MKX: variants seen among roughly 807,000 people sequenced by gnomAD.
The protein encoded by MKX is homeobox protein Mohawk.
MKX carries 13 observed loss-of-function variants against 36.0 expected under a neutral mutation model. The ratio of observed to expected loss-of-function variants is 0.36; its 90% confidence interval spans 0.24 to 0.57. The LOEUF (loss-of-function observed/expected upper bound fraction) is 0.57. Ranked by LOEUF, MKX falls within the 20% of genes least tolerant of loss-of-function variation. MKX has a pLI of 0.79. For synonymous variants in MKX, 176 were observed against 178.3 expected (o/e 0.99, Z 0.10); for missense variants, 458 against 456.4 (o/e 1.00, Z -0.03).
rs759761508 is a variant in MKX, at chr10:27,741,499, C to A, written c.194G>T (p.Arg65Leu). 2.5e-6 allele frequency: 4 copies of A among 1,590,276 alleles called. No individual in the cohort carries two copies. In the African/African-American group the frequency reaches 4.1e-5, roughly 16 times the overall value. Reference protein sequence around the residue: ...LGLRHRRTGARQNGGKVRHKR... With the variant: ...LGLRHRRTGALQNGGKVRHKR... ...GTGCCTCACCTTCCCGCCATTCTGC[C>A]GGGCGCTGGGACATGGGGAGAGGAG... The change falls in exon 3 of 7, where the codon CGG becomes CTG. Residue 65 changes from arginine to leucine, a missense_variant. By Grantham distance (102) the Arg-to-Leu change is moderately radical (BLOSUM62 -2). Transcript: ENST00000419761. The surrounding 1 kb of genome is among the most constrained non-coding windows in gnomAD (Gnocchi z 5.1).
intron 5 of MKX, among the ~76,000 whole-genome samples, chr10:27,727,587 G>C (rs568676190): frequency 3.3e-5 from 5 of 152,340 alleles, no homozygotes; most frequent in African/African-American, 1.2e-4. Flanking sequence ...ATTCCGAATA[G>C]TGCTTAAGTT....
chr10:27,691,985 G>A (rs1836462599), intron 5 of MKX, among the ~76,000 whole-genome samples: 2 of 152,190 alleles, frequency 1.3e-5, no homozygotes, highest in South Asian at 2.1e-4. Flanking sequence ...TAATGTGTTT[G>A]GTATTGTGAA....
chr10:27,687,296 G>A (rs1180925911), intron 5 of MKX, among the ~76,000 whole-genome samples: 2 of 152,164 alleles, frequency 1.3e-5, no homozygotes, highest in East Asian at 1.9e-4. Context: ...GAGCCATTGC[G>A]CCCAGCCCAC....
intron 5 of MKX, among the ~76,000 whole-genome samples, chr10:27,686,412 AG>A (rs1194581442): frequency 1.4e-5 from 2 of 144,978 alleles, no homozygotes; most frequent in Non-Finnish European, 3.0e-5. Context: ...GAAGGAAGGA[AG>A]GAAGGAAGGA....
At chr10:27,713,199 T>C (rs1171991713) in intron 5 of MKX, among the ~76,000 whole-genome samples, 2 of 152,200 alleles carry the variant, frequency 1.3e-5, no homozygotes, top group African/African-American at 4.8e-5. Context: ...TCTCTAGAAA[T>C]CTTCAGAAGT....
chr10:27,724,873 T>C (rs1834455936), intron 5 of MKX, among the ~76,000 whole-genome samples: 1 of 151,902 alleles, frequency 6.6e-6, no homozygotes. Context: ...TAACCAAAGA[T>C]GATCCGTAGG....
intron 5 of MKX, among the ~76,000 whole-genome samples, chr10:27,682,663 A>G (rs902084267): frequency 2.0e-5 from 3 of 152,148 alleles, no homozygotes; most frequent in African/African-American, 7.2e-5. Flanking sequence ...TCGGATCATC[A>G]GGCATTAGTT....
chr10:27,684,380 G>A (rs1022478108), intron 5 of MKX, among the ~76,000 whole-genome samples: 9 of 151,886 alleles, frequency 5.9e-5, no homozygotes, highest in African/African-American at 1.9e-4. Flanking sequence ...AGCATTTGTT[G>A]TTTTTCTTTA....
At chr10:27,675,582 T>C (rs767011685) in intron 5 of MKX, 28 bp from the exon 6 acceptor site, 23 of 1,604,266 alleles carry the variant, frequency 1.4e-5, no homozygotes, top group Non-Finnish European at 2.0e-5. Flanking sequence ...AATTCAATTA[T>C]TTTTATGTTT....
intron 5 of MKX, among the ~76,000 whole-genome samples, chr10:27,705,258 A>AAT (rs397807125): frequency 1.3e-4 from 19 of 151,846 alleles, no homozygotes; most frequent in Admixed American, 9.2e-4. Flanking sequence ...TGTAAAAAAA[A>AAT]GAATGTGAAT....
chr10:27,744,013 G>A lies in MKX; in HGVS notation c.-82-516C>T, dbSNP rs747800012. On this transcript the variant is annotated intron_variant, in intron 1 of 6. Transcript: ENST00000419761. This position sits in a 1 kb window ranked among gnomAD's most constrained non-coding sequence, Gnocchi z 5.6. ...AAGACCCCCCAGCTCATGAGTCCCA[G>A]GCCATACCGGGATTTGGGGGATTTT... Among the ~76,000 whole-genome samples, 1 of 152,098 alleles carries A rather than the reference G, an allele frequency of 6.6e-6. No individual in the cohort carries two copies. Among genetic ancestry groups the A allele is most frequent in the Non-Finnish European group, 1.5e-5 (1 of 68,022 alleles).
At chr10:27,724,014 TA>T (rs1327941349) in intron 5 of MKX, among the ~76,000 whole-genome samples, 1 of 152,232 alleles carries the variant, frequency 6.6e-6, no homozygotes, top group Non-Finnish European at 1.5e-5. Flanking sequence ...TTCAGCATTT[TA>T]AAAGGTTTCA....
intron 5 of MKX, among the ~76,000 whole-genome samples, chr10:27,729,548 C>T (rs1369698035): frequency 1.3e-5 from 2 of 151,964 alleles, no homozygotes; most frequent in African/African-American, 4.8e-5. Context: ...CTCTGATGAT[C>T]CACTGGCCTC....
chr10:27,712,985 G>T (rs1028246936), intron 5 of MKX, among the ~76,000 whole-genome samples: 1 of 152,084 alleles, frequency 6.6e-6, no homozygotes, highest in African/African-American at 2.4e-5. Context: ...GTGATGGAAG[G>T]TCCTCCTTCA....
rs994242149 is a variant in MKX at position 27,742,782 on chromosome 10, C to T, written c.188+446G>A. On this transcript the variant is annotated intron_variant, in intron 2 of 6. Transcript: ENST00000419761. The surrounding 1 kb of genome is among the most constrained non-coding windows in gnomAD (Gnocchi z 4.2). ...TCCTTGGGCCAGGCGAGCCGCGGGGCTCTGGCGAGGGGCTCGAGTGACCGA... is the reference window on the plus strand; with the variant it reads ...TCCTTGGGCCAGGCGAGCCGCGGGGTTCTGGCGAGGGGCTCGAGTGACCGA... Among the ~76,000 whole-genome samples the T allele has an allele frequency of 1.3e-5, 2 of 152,096 alleles. No homozygotes were observed. The highest frequency in any genetic ancestry group is 4.8e-5 in the African/African-American group (2 of 41,456).
intron 5 of MKX, among the ~76,000 whole-genome samples, chr10:27,704,479 T>TA (rs1274340422): frequency 2.0e-5 from 3 of 150,436 alleles, no homozygotes; most frequent in African/African-American, 7.3e-5. Context: ...GAAACATGAG[T>TA]AAAAAGAAAA....
chr10:27,702,208 C>A (rs917413581), intron 5 of MKX, among the ~76,000 whole-genome samples: 2 of 152,102 alleles, frequency 1.3e-5, no homozygotes, highest in African/African-American at 4.8e-5. Context: ...GCCAGGAAGC[C>A]AAGGGAAAAG....
intron 5 of MKX, among the ~76,000 whole-genome samples, chr10:27,697,703 C>T (rs769300941): frequency 6.6e-6 from 1 of 152,194 alleles, no homozygotes; most frequent in Non-Finnish European, 1.5e-5. Flanking sequence ...GTGTGCTGTA[C>T]ACCAGGCACT....
In MKX at chr10:27,672,938, T is replaced by C. The variant is rs1466267031; in HGVS notation, c.*2291A>G. 1 of 152,220 alleles carries C rather than the reference T, an allele frequency of 6.6e-6. No homozygotes were observed. The highest frequency in any genetic ancestry group is 1.5e-5 in the Non-Finnish European group (1 of 68,028). 9.4% of individuals were successfully genotyped at this position (152,220 alleles called of 1,614,324 possible). Reference sequence around the variant, plus strand: ...GAACTCCTGGCAGTTATTAATTTTATTAAAATGATTACATATGGCAAAACA... The same window carrying C: ...GAACTCCTGGCAGTTATTAATTTTACTAAAATGATTACATATGGCAAAACA... On this transcript the variant is annotated 3_prime_UTR_variant, in exon 7 of 7. Coordinates refer to ENST00000419761, the MANE Select transcript of MKX (RefSeq NM_173576.3).
Sources: gnomAD v4.1 joint callset for allele counts (sites outside exome capture counted in the v4.1 genomes callset) on GRCh38, gnomAD v4.1.1 for gene constraint, Gnocchi (gnomAD v3.1) non-coding constraint, MANE v1.5 for transcripts, NCBI Gene and HGNC (gene_info 2026-07-23, HGNC 2026-07-21) for gene names.